PSMA1: variants seen among roughly 807,000 people sequenced by gnomAD.
PSMA1 encodes proteasome subunit alpha type-1.
In PSMA1, 3 loss-of-function variants were observed where a neutral mutation model predicts 38.4. The ratio of observed to expected loss-of-function variants is 0.08; its 90% CI spans 0.04 to 0.20. The LOEUF (loss-of-function observed/expected upper bound fraction) is 0.20, where lower values mean the gene tolerates loss of function less well. PSMA1 is among the 10% of genes least tolerant of loss of function. PSMA1 has a pLI of 1.00. For missense variants in PSMA1, 227 were observed against 325.3 expected, an observed-to-expected ratio of 0.70 and a Z score of 2.32; for synonymous variants, 101 against 107.1, an observed-to-expected ratio of 0.94 and a Z score of 0.35.
At chr11:14,524,823 G>A (rs928626417), upstream of PSMA1, among the ~76,000 whole-genome samples, 3 of 152,102 alleles carry the variant, frequency 2.0e-5, no homozygotes, top group African/African-American at 4.8e-5. Context: ...ACATCTCACC[G>A]ATTTTAAATC....
At chr11:14,637,841 G>A (rs993723482) in intron 1 of PSMA1, among the ~76,000 whole-genome samples, 1 of 152,108 alleles carries the variant, frequency 6.6e-6, no homozygotes, top group African/African-American at 2.4e-5. Flanking sequence ...GGCAGACTTA[G>A]TTGAATAAAA....
chr11:14,528,028 C>A (rs1370023047), intron 2 of PSMA1, among the ~76,000 whole-genome samples: 1 of 152,016 alleles, frequency 6.6e-6, no homozygotes, highest in Non-Finnish European at 1.5e-5. Context: ...TGTTTCTAAT[C>A]CTTCTTTAAC....
intron 2 of PSMA1, among the ~76,000 whole-genome samples, chr11:14,582,179 T>G (rs1852289046): frequency 6.6e-6 from 1 of 152,276 alleles, no homozygotes; most frequent in Non-Finnish European, 1.5e-5. Context: ...AATACAAATT[T>G]AAAAACAGGT....
rs750465050 is a variant in PSMA1, at chr11:14,513,661, A to G, written c.453T>C (p.Ala151=). ...ACATGGCTCTGCAGTCAAAATAGTT[A>G]GCAGATGGACAGGTTTGGAAAATGT... ...GPHIFQTCPS[A]NYFDCRAMSI... is the part of the protein sequence containing the mutation. Residue 151 remains alanine (A), a synonymous_variant, in exon 7 of 10, where the codon GCT becomes GCC. Coordinates refer to ENST00000396394, the MANE Select transcript of PSMA1 (RefSeq NM_002786.4). 21 of 1,595,070 alleles carry G rather than the reference A, an allele frequency of 1.3e-5. No individual in the cohort carries two copies. The highest frequency in any genetic ancestry group is 3.5e-5 in the South Asian group (3 of 86,444).
intron 2 of PSMA1, among the ~76,000 whole-genome samples, chr11:14,564,387 T>C (rs1325145979): frequency 6.6e-6 from 1 of 152,256 alleles, no homozygotes; most frequent in Non-Finnish European, 1.5e-5. Context: ...TGTTCTTTTT[T>C]ATTGTTGAGT....
At chr11:14,633,490 C>G (rs1363838890) in intron 1 of PSMA1, among the ~76,000 whole-genome samples, 1 of 152,018 alleles carries the variant, frequency 6.6e-6, no homozygotes, top group Non-Finnish European at 1.5e-5. Context: ...AGGCAGTCTG[C>G]CCGTTCTCAG....
rs191559002 is a variant in PSMA1, at chr11:14,587,932, T to C, written c.21+23034A>G. Reference sequence around the variant, plus strand: ...TAAAGGTGTTTATCACATTACTTCCTCTGAAATTTAATTTAATCAGCAACT... The same window carrying C: ...TAAAGGTGTTTATCACATTACTTCCCCTGAAATTTAATTTAATCAGCAACT... On this transcript the variant is annotated intron_variant, in intron 2 of 10. Coordinates refer to the PSMA1 transcript ENST00000418988. Among the ~76,000 whole-genome samples, 4 of 152,370 alleles carry C rather than the reference T, an allele frequency of 2.6e-5. No homozygotes were observed. In the East Asian group the frequency reaches 7.7e-4, roughly 29 times the overall value.
chr11:14,632,903 A>T (rs1853046244), intron 1 of PSMA1, among the ~76,000 whole-genome samples: 1 of 151,560 alleles, frequency 6.6e-6, no homozygotes, highest in African/African-American at 2.4e-5. Context: ...TCCATCGCTG[A>T]TACCCTTTCT....
intron 1 of PSMA1, among the ~76,000 whole-genome samples, chr11:14,638,535 CTCTCTCTCTCTATATATATA>C (rs1241372394): frequency 3.1e-4 from 8 of 25,630 alleles, no homozygotes; most frequent in East Asian, 7.3e-4. Flanking sequence ...CTCTCTCTCT[CTCTCTCTCTCTATATATATA>C]TATATATATA....
intron 7 of PSMA1, 82 bp from the exon 8 acceptor site, chr11:14,511,033 A>G (rs1014715914): frequency 6.0e-6 from 6 of 997,896 alleles, no homozygotes; most frequent in Non-Finnish European, 7.2e-6. Context: ...ACAGTCTCAA[A>G]TTGTGGTTTT....
intron 1 of PSMA1, chr11:14,519,250 G>T: frequency 3.2e-6 from 2 of 618,862 alleles, no homozygotes; most frequent in East Asian, 6.8e-5. Context: ...GATCTAAATG[G>T]GTCCTATTTT....
At chr11:14,584,826 G>GC (rs1852324958) in intron 2 of PSMA1, among the ~76,000 whole-genome samples, 2 of 152,274 alleles carry the variant, frequency 1.3e-5, no homozygotes, top group South Asian at 4.1e-4. Flanking sequence ...TTGCCCTTAG[G>GC]CCCTGTTCTG....
intron 2 of PSMA1, among the ~76,000 whole-genome samples, chr11:14,562,808 T>A (rs2134173926): frequency 6.6e-6 from 1 of 152,128 alleles, no homozygotes; most frequent in East Asian, 1.9e-4. Flanking sequence ...TGGACTCAAG[T>A]ATCTGCCCAC....
intron 2 of PSMA1, among the ~76,000 whole-genome samples, chr11:14,574,804 T>G (rs771501279): frequency 4.6e-5 from 7 of 152,204 alleles, no homozygotes; most frequent in Non-Finnish European, 7.3e-5. Context: ...ACTTCTTTCC[T>G]TTATAAATTA....
At chr11:14,593,178 A>G (rs1273335045) in intron 2 of PSMA1, among the ~76,000 whole-genome samples, 3 of 152,212 alleles carry the variant, frequency 2.0e-5, no homozygotes, top group Non-Finnish European at 4.4e-5. Context: ...GAGAAAACAG[A>G]GCTTTAAAGA....
At chr11:14,588,219 C>T (rs1565051645) in intron 2 of PSMA1, among the ~76,000 whole-genome samples, 1 of 152,148 alleles carries the variant, frequency 6.6e-6, no homozygotes, top group Non-Finnish European at 1.5e-5. Context: ...AGGCGCTCTG[C>T]TGGTTTTGAA....
upstream of PSMA1, among the ~76,000 whole-genome samples, chr11:14,524,109 CAAAAAAAAAA>C (rs71044009): frequency 5.7e-4 from 31 of 54,230 alleles, no homozygotes; most frequent in Non-Finnish European, 7.7e-4. Flanking sequence ...GACCCTGTCT[CAAAAAAAAAA>C]AAAAAAAAAA....
chr11:14,583,442 C>G (rs928540432), intron 2 of PSMA1, among the ~76,000 whole-genome samples: 1 of 152,162 alleles, frequency 6.6e-6, no homozygotes, highest in African/African-American at 2.4e-5. Flanking sequence ...CAGATGGTGG[C>G]GTTCAGATAG....
chr11:14,617,411 T>C (rs1369178355), intron 1 of PSMA1, among the ~76,000 whole-genome samples: 1 of 152,184 alleles, frequency 6.6e-6, no homozygotes, highest in East Asian at 1.9e-4. Context: ...TCCTCAACCA[T>C]GTGATTCTTA....
Sources: allele counts gnomAD v4.1 joint callset (sites outside exome capture counted in the v4.1 genomes callset), GRCh38; gene constraint gnomAD v4.1.1; transcripts MANE v1.5; gene names NCBI Gene and HGNC (gene_info 2026-07-23, HGNC 2026-07-21).